The following TMOD2 variants were observed in gnomAD, a reference collection of about 807,000 sequenced individuals.
The protein encoded by TMOD2 is tropomodulin-2.
Under a neutral mutation model 39.9 loss-of-function variants are expected in TMOD2, and 22 were observed. That is an observed-to-expected ratio of 0.55 (90% CI 0.39 to 0.79). The LOEUF is 0.79. Among genes scored for constraint, TMOD2 ranks in the 30% least tolerant of loss-of-function variants. The pLI is 0.00. For synonymous variants in TMOD2, 123 were observed against 146.1 expected (o/e 0.84, Z 1.14); for missense variants, 386 against 413.3 (o/e 0.93, Z 0.57).
chr15:51,753,923 AAAT>A (rs1046817925), intron 1 of TMOD2, among the ~76,000 whole-genome samples: 1 of 152,224 alleles, frequency 6.6e-6, no homozygotes, highest in African/African-American at 2.4e-5. Flanking sequence ...TCAATAAAAT[AAAT>A]AAGCGAATAA....
Position 51,787,402 on chromosome 15 carries a change from G to C in TMOD2, c.732+4574G>C, listed in dbSNP as rs145994676. Among the ~76,000 whole-genome samples the C allele has an allele frequency of 9.5e-3, 1,447 of 152,370 alleles. 22 individuals are homozygous for C. Among genetic ancestry groups the C allele is most frequent in the African/African-American group, 0.034 (1,395 of 41,586 alleles). On this transcript the variant is annotated intron_variant, in intron 7 of 9. Transcript: ENST00000249700. ...CTCAGGAAGGCCTACTGCCTCTCTA[G>C]ATTCCACCTCTGGGGGCAGGGCATA...
rs1469276805 is a variant in TMOD2, at chr15:51,810,617, A to T, written c.*2163A>T. 1 of 152,134 alleles carries T rather than the reference A, an allele frequency of 6.6e-6. No individual in the cohort carries two copies. Among genetic ancestry groups the T allele is most frequent in the Non-Finnish European group, 1.5e-5 (1 of 68,036 alleles). 9.4% of individuals were successfully genotyped at this position (152,134 alleles called of 1,614,324 possible). A position where few individuals can be genotyped will look rare whatever the true frequency, so the allele number is the denominator to read the frequency against. The stretch of plus-strand genomic sequence containing the variant: ...ACTGGGTGAAATTATACATTTTTTT[A>T]TACATATGTTTCGCTTATCATGTTG... On this transcript the variant is annotated 3_prime_UTR_variant, in exon 10 of 10. Coordinates refer to ENST00000249700, the MANE Select transcript of TMOD2 (RefSeq NM_014548.4).
Position 51,812,123 on chromosome 15 carries a change from C to T in TMOD2, c.*3669C>T, listed in dbSNP as rs1294824862. The T allele has an allele frequency of 6.7e-6, 1 of 150,168 alleles. No individual in the cohort carries two copies. The highest frequency in any genetic ancestry group is 2.0e-4 in the East Asian group (1 of 5,026). The allele number at this position is 150,168 out of a possible 1,614,324, so 9.3% of individuals were successfully genotyped here. A position where few individuals can be genotyped will look rare whatever the true frequency, so the allele number is the denominator to read the frequency against. On this transcript the variant is annotated 3_prime_UTR_variant, in exon 10 of 10. Coordinates refer to ENST00000249700, the MANE Select transcript of TMOD2 (RefSeq NM_014548.4). ...TCTCCCAGCCCTGCTTCCCTCGTCCCTGTCCAAGTTGCTGCAGGCCCAGGT... is the reference window on the plus strand; with the variant it reads ...TCTCCCAGCCCTGCTTCCCTCGTCCTTGTCCAAGTTGCTGCAGGCCCAGGT...
At chr15:51,776,017 A>G (rs950325144) in intron 4 of TMOD2, among the ~76,000 whole-genome samples, 1 of 152,222 alleles carries the variant, frequency 6.6e-6, no homozygotes, top group African/African-American at 2.4e-5. Flanking sequence ...AGACTCGGGC[A>G]TTTAACAACT....
chr15:51,777,081 G>A (rs565060901), intron 5 of TMOD2, 63 bp downstream of exon 5: 1 of 1,411,602 alleles, frequency 7.1e-7, no homozygotes, highest in East Asian at 2.3e-5. Context: ...GCTGGTAGGA[G>A]AGAGGCCTGT....
intron 7 of TMOD2, among the ~76,000 whole-genome samples, chr15:51,785,696 G>A (rs746329971): frequency 1.3e-5 from 2 of 152,142 alleles, no homozygotes; most frequent in Non-Finnish European, 2.9e-5. Flanking sequence ...GGGACAAAGA[G>A]AAGTTGGTTA....
In TMOD2 at chr15:51,806,388, G is replaced by A; in HGVS notation, c.888G>A (p.Leu296=). 6.2e-7 allele frequency: 1 copy of A among 1,614,158 alleles called. No individual in the cohort carries two copies. The highest frequency in any genetic ancestry group is 8.5e-7 in the Non-Finnish European group (1 of 1,179,994). ...EIKIDNQRQQ[L]GTAVEMEIAQ... The stretch of plus-strand genomic sequence containing the variant: ...GCACCTGCAACCAGAGGCAGCAGTT[G>A]GGAACAGCTGTAGAGATGGAAATTG... The change falls in exon 9 of 10, where the codon TTG becomes TTA. Residue 296 remains leucine (L), a synonymous_variant. Transcript: ENST00000249700.
chr15:51,782,974 T>A (rs1273779656), intron 7 of TMOD2, 146 bp downstream of exon 7: 2 of 648,552 alleles, frequency 3.1e-6, no homozygotes, highest in Non-Finnish European at 5.3e-6. Context: ...TACAATGCAA[T>A]AGTTAAACTT....
Position 51,800,115 on chromosome 15 carries a change from A to G in TMOD2, c.876+1775A>G, listed in dbSNP as rs539419070. 3.3e-5 allele frequency among the ~76,000 whole-genome samples: 5 copies of G among 152,388 alleles called. No individual in the cohort carries two copies. The East Asian group carries it at 7.7e-4, about 23-fold the overall frequency. On this transcript the variant is annotated intron_variant, in intron 8 of 9. Coordinates refer to ENST00000249700, the MANE Select transcript of TMOD2 (RefSeq NM_014548.4). ...AAAAAAATTATTTGTTGTTTATCAG[A>G]AAGTCAAACTTAACTGGGTGTCCTG...
At chr15:51,760,686 A>G (rs1039873894) in intron 1 of TMOD2, among the ~76,000 whole-genome samples, 1 of 152,088 alleles carries the variant, frequency 6.6e-6, no homozygotes, top group Non-Finnish European at 1.5e-5. Context: ...CATGCCTGTA[A>G]TCGCAGCTAC....
chr15:51,755,447 G>T (rs1469060280), intron 1 of TMOD2, among the ~76,000 whole-genome samples: 4 of 152,200 alleles, frequency 2.6e-5, no homozygotes. Context: ...GCTAGGTAGG[G>T]TGGGGATGAG....
At chr15:51,773,204 G>A (rs1195206962) in intron 3 of TMOD2, among the ~76,000 whole-genome samples, 3 of 152,196 alleles carry the variant, frequency 2.0e-5, no homozygotes, top group African/African-American at 7.2e-5. Context: ...GGGGCTTGTG[G>A]AGGCTCTAGA....
chr15:51,781,058 G>GA lies in TMOD2; in HGVS notation c.513dup (p.Val172SerfsTer6), dbSNP rs2055926318. 1.2e-6 allele frequency: 2 copies of GA among 1,602,390 alleles called. No homozygotes were observed. The highest frequency in any genetic ancestry group is 4.5e-5 in the East Asian group (2 of 44,752). ...TTGTGTTTTAGATGTTGTCAAAGGT[G>GA]AAAAAGTAAAGCCAGTATTTGAGGA... On this transcript the variant is annotated frameshift_variant, in exon 6 of 10. Transcript: ENST00000249700. LOFTEE classifies it high-confidence loss of function.
rs541249027 is a variant in TMOD2 at position 51,786,304 on chromosome 15, G to A, written c.732+3476G>A. ...TTCGTTGTCACTGTGCCTGGGTGAT[G>A]TTTTATTGGGAGTCCTGGCAGAAAG... On this transcript the variant is annotated intron_variant, in intron 7 of 9. Transcript: ENST00000249700. 5.3e-5 allele frequency among the ~76,000 whole-genome samples: 8 copies of A among 152,162 alleles called. No individual in the cohort carries two copies. The East Asian group carries it at 1.2e-3, about 22-fold the overall frequency.
In TMOD2 at chr15:51,776,988, A is replaced by G. The variant is rs771189448; in HGVS notation, c.463A>G (p.Asn155Asp). Residue 155 changes from asparagine to aspartate, a missense_variant, in exon 5 of 10, where the codon AAC becomes GAC. Transcript: ENST00000249700. ...TCCAAAGTTCGATGAAGAAACAGCC[A>G]ACAATAAAGGTGGCAAAGGACCTGT... ...NNPKFDEETA[N>D]NKGGKGPVRN... The G allele has an allele frequency of 6.2e-7, 1 of 1,613,868 alleles. No homozygotes were observed. Among genetic ancestry groups the G allele is most frequent in the African/African-American group, 1.3e-5 (1 of 74,932 alleles).
Position 51,781,076 on chromosome 15 carries a change from T to G in TMOD2, c.526T>G (p.Phe176Val). ...CAAAGGTGAAAAAGTAAAGCCAGTATTTGAGGAACCACCAAATCCCACAAA... is the reference window on the plus strand; with the variant it reads ...CAAAGGTGAAAAAGTAAAGCCAGTAGTTGAGGAACCACCAAATCCCACAAA... ...VVKGEKVKPV[F>V]EEPPNPTNVE... The change falls in exon 6 of 10, where the codon TTT becomes GTT. Residue 176 changes from phenylalanine to valine, a missense_variant. Coordinates refer to ENST00000249700, the MANE Select transcript of TMOD2 (RefSeq NM_014548.4). The G allele has an allele frequency of 3.7e-6, 6 of 1,610,402 alleles. No homozygotes were observed. Among genetic ancestry groups the G allele is most frequent in the Non-Finnish European group, 5.1e-6 (6 of 1,179,126 alleles).
intron 7 of TMOD2, among the ~76,000 whole-genome samples, chr15:51,791,727 A>G (rs1300331307): frequency 6.6e-6 from 1 of 152,236 alleles, no homozygotes; most frequent in Non-Finnish European, 1.5e-5. Flanking sequence ...CTGATCTTTG[A>G]CAAACCTGAC....
At chr15:51,797,546 G>A (rs753273962) in intron 7 of TMOD2, among the ~76,000 whole-genome samples, 2 of 152,062 alleles carry the variant, frequency 1.3e-5, no homozygotes, top group Non-Finnish European at 2.9e-5. Context: ...TTCTTGCACT[G>A]TGAGAATTCC....
chr15:51,787,642 C>G (rs573300282), intron 7 of TMOD2, among the ~76,000 whole-genome samples: 2 of 152,332 alleles, frequency 1.3e-5, no homozygotes, highest in East Asian at 1.9e-4. Context: ...CCCTCTGGGA[C>G]AAAGCTTCCA....
Sources: allele counts gnomAD v4.1 joint callset (sites outside exome capture counted in the v4.1 genomes callset), GRCh38; gene constraint gnomAD v4.1.1; transcripts MANE v1.5; gene names NCBI Gene and HGNC (gene_info 2026-07-23, HGNC 2026-07-21).